DYNC1I2: variants seen among roughly 807,000 people sequenced by gnomAD.
DYNC1I2 encodes the protein cytoplasmic dynein 1 intermediate chain 2.
DYNC1I2 carries 53 observed loss-of-function variants against 88.6 expected under a neutral mutation model. The observed-to-expected ratio is 0.60, with a 90% CI of 0.48 to 0.75. DYNC1I2 has a LOEUF of 0.75. Ranked by LOEUF, DYNC1I2 falls within the 30% of genes least tolerant of loss-of-function variation. The pLI is 0.00. For missense variants in DYNC1I2, 458 were observed against 766.6 expected, an observed-to-expected ratio of 0.60 and a Z score of 4.75; for synonymous variants, 198 against 254.6, an observed-to-expected ratio of 0.78 and a Z score of 2.12.
intron 3 of DYNC1I2, among the ~76,000 whole-genome samples, chr2:171,701,274 A>G (rs1040363068): frequency 6.6e-6 from 1 of 152,084 alleles, no homozygotes; most frequent in Non-Finnish European, 1.5e-5. Flanking sequence ...GGTTCAAGCA[A>G]TTCCCCTGCC....
At position 171,690,980 on chromosome 2, in the gene DYNC1I2, A is replaced by G. The variant is rs560752739; in HGVS notation, c.108+717A>G. On this transcript the variant is annotated intron_variant, in intron 2 of 17. Coordinates refer to ENST00000397119, the MANE Select transcript of DYNC1I2 (RefSeq NM_001378.3). ...CAAGATGTCTATATTATAATAACTCATAAATATGGTGTATATATATCATAA... is the reference window on the plus strand; with the variant it reads ...CAAGATGTCTATATTATAATAACTCGTAAATATGGTGTATATATATCATAA... Among the ~76,000 whole-genome samples the G allele has an allele frequency of 2.6e-5, 4 of 152,300 alleles. No homozygotes were observed. The East Asian group carries it at 5.8e-4, about 22-fold the overall frequency.
intron 7 of DYNC1I2, 21 bp from the exon 8 acceptor site, chr2:171,725,594 GTTT>G (rs767904738): frequency 8.5e-7 from 1 of 1,175,316 alleles, no homozygotes; most frequent in Non-Finnish European, 1.1e-6. Flanking sequence ...TTGTTTTTTT[GTTT>G]GTTTTTTTTT....
Position 171,727,934 on chromosome 2 carries a change from G to A in DYNC1I2, c.1110G>A (p.Val370=), listed in dbSNP as rs1688354476. 1 of 1,613,238 alleles carries A rather than the reference G, an allele frequency of 6.2e-7. No individual in the cohort carries two copies. Residue 370 remains valine, a synonymous_variant, in exon 12 of 18, where the codon GTG becomes GTA. Transcript: ENST00000397119. ...WDNRSNKRTP[V]QRTPLSAAAH... ...ACCGTAGCAATAAAAGAACTCCAGT[G>A]CAAAGAACTCCACTGTCAGCAGCTG...
At chr2:171,726,157 A>G (rs1184793166) in intron 9 of DYNC1I2, 37 bp from the exon 10 acceptor site, 1 of 1,586,776 alleles carries the variant, frequency 6.3e-7, no homozygotes, top group Non-Finnish European at 8.6e-7. Flanking sequence ...AAAAGTTATA[A>G]CACCATCTTT....
chr2:171,708,524 TC>T (rs1686856780), intron 5 of DYNC1I2, among the ~76,000 whole-genome samples: 1 of 152,312 alleles, frequency 6.6e-6, no homozygotes, highest in East Asian at 1.9e-4. Flanking sequence ...CATAACTCTT[TC>T]ATTTAAGGAA....
At position 171,726,304 on chromosome 2, in the gene DYNC1I2, A is replaced by C. The variant is rs774227906; in HGVS notation, c.870+11A>C. 7.6e-6 allele frequency: 12 copies of C among 1,579,370 alleles called. No homozygotes were observed. Among genetic ancestry groups the C allele is most frequent in the Non-Finnish European group, 9.5e-6 (11 of 1,157,226 alleles). On this transcript the variant is annotated intron_variant, in intron 10 of 17. Coordinates refer to ENST00000397119, the MANE Select transcript of DYNC1I2 (RefSeq NM_001378.3). ...GATTGGTCATCTCAGGTAAAATATA[A>C]CAAAATAGGCCGCTCTTAACTCATT...
chr2:171,726,799 G>C lies in DYNC1I2; in HGVS notation c.879G>C (p.Glu293Asp). Reference sequence around the variant, plus strand: ...TTGATTCTTCTGAGCAGTATCCGGAGTTACTCGTGGCTTCCTATAACAACA... The same window carrying C: ...TTGATTCTTCTGAGCAGTATCCGGACTTACTCGTGGCTTCCTATAACAACA... Reference protein sequence around the residue: ...SCLDWSSQYPELLVASYNNNE... With the variant: ...SCLDWSSQYPDLLVASYNNNE... The change falls in exon 11 of 18, where the codon GAG becomes GAC. Residue 293 changes from glutamate to aspartate, a missense_variant. Around this residue, in one of 5 missense-constraint regions of DYNC1I2, gnomAD observed 203 missense variants for 354.2 expected, o/e 0.57. Transcript: ENST00000397119. The C allele has an allele frequency of 6.2e-7, 1 of 1,612,920 alleles. No homozygotes were observed. Among genetic ancestry groups the C allele is most frequent in the Non-Finnish European group, 8.5e-7 (1 of 1,179,238 alleles).
intron 15 of DYNC1I2, among the ~76,000 whole-genome samples, chr2:171,743,303 A>T (rs186348023): frequency 6.6e-6 from 1 of 152,320 alleles, no homozygotes; most frequent in African/African-American, 2.4e-5. Flanking sequence ...GAGGAAAAGA[A>T]AGAGGAAGGG....
rs1687385268 is a variant in DYNC1I2 at position 171,714,961 on chromosome 2, A to G, written c.396-367A>G. Among the ~76,000 whole-genome samples, 3 of 152,274 alleles carry G rather than the reference A, an allele frequency of 2.0e-5. No individual in the cohort carries two copies. In the South Asian group the frequency reaches 6.2e-4, roughly 32 times the overall value. Reference sequence around the variant, plus strand: ...GAGTGATATCTAGTCTGATTCTTAAAAAAAAGTCCAGAAAGAACCATATCC... The same window carrying G: ...GAGTGATATCTAGTCTGATTCTTAAGAAAAAGTCCAGAAAGAACCATATCC... On this transcript the variant is annotated intron_variant, in intron 6 of 17. Coordinates refer to ENST00000397119, the MANE Select transcript of DYNC1I2 (RefSeq NM_001378.3).
rs372894298 is a variant in DYNC1I2 at position 171,725,923 on chromosome 2, C to T, written c.612C>T (p.Pro204=). ...KKDEENDSKA[P]PHELTEEEKQ... ...AAAAAATTATTTATTTTCCAGCTCC[C>T]CCTCATGAGCTGACTGAAGAAGAAA... is the stretch of plus-strand genomic sequence containing the variant. Residue 204 remains proline (P), a synonymous_variant, in exon 9 of 18, where the codon CCC becomes CCT. Coordinates refer to ENST00000397119, the MANE Select transcript of DYNC1I2 (RefSeq NM_001378.3). The T allele has an allele frequency of 2.6e-6, 4 of 1,565,664 alleles. No individual in the cohort carries two copies. In the African/African-American group the frequency reaches 4.2e-5, roughly 16 times the overall value.
At chr2:171,733,044 A>G (rs1258513480) in intron 15 of DYNC1I2, among the ~76,000 whole-genome samples, 14 of 152,076 alleles carry the variant, frequency 9.2e-5, no homozygotes, top group Non-Finnish European at 2.1e-4. Flanking sequence ...CTATGTGTCT[A>G]CATGTATGTT....
intron 7 of DYNC1I2, among the ~76,000 whole-genome samples, chr2:171,719,056 T>G (rs1687727263): frequency 6.6e-6 from 1 of 152,230 alleles, no homozygotes. Context: ...GTTAATATTG[T>G]CTAGCACTGA....
At chr2:171,737,874 C>T (rs1221849973) in intron 15 of DYNC1I2, among the ~76,000 whole-genome samples, 2 of 151,724 alleles carry the variant, frequency 1.3e-5, no homozygotes, top group African/African-American at 4.8e-5. Flanking sequence ...AATCATGTCA[C>T]GGGGGTTTGT....
At chr2:171,714,639 C>T (rs569002349) in intron 6 of DYNC1I2, among the ~76,000 whole-genome samples, 1 of 152,014 alleles carries the variant, frequency 6.6e-6, no homozygotes, top group African/African-American at 2.4e-5. Context: ...GAATGTATAC[C>T]CTGTATTTCT....
rs912145519 is a variant in DYNC1I2, at chr2:171,745,124, A to T, written c.1678-678A>T. On this transcript the variant is annotated intron_variant, in intron 16 of 17. Transcript: ENST00000397119. ...TTTTTGTCAAATTTCAAAATTTTTT[A>T]AAAATTTTATCATACTTTTAGTCTG... 3.2e-4 allele frequency among the ~76,000 whole-genome samples: 48 copies of T among 152,210 alleles called. 1 individual carries two copies. Among genetic ancestry groups the T allele is most frequent in the Admixed American group, 3.1e-3 (48 of 15,278 alleles).
At chr2:171,709,184 C>G (rs1003736823) in intron 5 of DYNC1I2, among the ~76,000 whole-genome samples, 1 of 151,986 alleles carries the variant, frequency 6.6e-6, no homozygotes, top group African/African-American at 2.4e-5. Flanking sequence ...ACTCATCGTT[C>G]CTGATTTTGA....
At position 171,726,774 on chromosome 2, in the gene DYNC1I2, T is replaced by G; in HGVS notation, c.871-17T>G. ...ATTATGCATAGCATTTCTTTTCTTCTTGATTCTTCTGAGCAGTATCCGGAG... is the reference window on the plus strand; with the variant it reads ...ATTATGCATAGCATTTCTTTTCTTCGTGATTCTTCTGAGCAGTATCCGGAG... On this transcript the variant is annotated splice_polypyrimidine_tract_variant and intron_variant, in intron 10 of 17. Transcript: ENST00000397119. 6.2e-7 allele frequency: 1 copy of G among 1,610,644 alleles called. No homozygotes were observed. Among genetic ancestry groups the G allele is most frequent in the African/African-American group, 1.3e-5 (1 of 74,824 alleles).
At chr2:171,694,848 G>C (rs954279686) in intron 3 of DYNC1I2, among the ~76,000 whole-genome samples, 1 of 152,074 alleles carries the variant, frequency 6.6e-6, no homozygotes, top group Non-Finnish European at 1.5e-5. Flanking sequence ...AAACAAAACC[G>C]TGAGGGATCC....
At chr2:171,731,364 T>C (rs530679186) in intron 15 of DYNC1I2, among the ~76,000 whole-genome samples, 19 of 152,266 alleles carry the variant, frequency 1.2e-4, no homozygotes, top group South Asian at 6.2e-4. Flanking sequence ...GAAACATTCA[T>C]TGGAGCATGG....
Sources: allele counts gnomAD v4.1 joint callset (sites outside exome capture counted in the v4.1 genomes callset), GRCh38; gene constraint gnomAD v4.1.1; regional missense constraint gnomAD v4.1.1; transcripts MANE v1.5; gene names NCBI Gene and HGNC (gene_info 2026-07-23, HGNC 2026-07-21).